Variants in E2F4 observed in about 807,000 individuals in gnomAD.
The protein encoded by E2F4 is transcription factor E2F4.
E2F4 carries 16 observed loss-of-function variants against 44.5 expected under a neutral mutation model. The observed-to-expected ratio is 0.36, with a 90% CI of 0.24 to 0.55. E2F4 has a LOEUF of 0.55. E2F4 is among the 20% of genes least tolerant of loss of function. The pLI is 0.87. For synonymous variants in E2F4, 242 were observed against 207.2 expected, an observed-to-expected ratio of 1.17 and a Z score of -1.44; for missense variants, 473 against 522.1, an observed-to-expected ratio of 0.91 and a Z score of 0.92.
chr16:67,195,753 ATGAC>A, intron 6 of E2F4, 25 bp from the exon 7 acceptor site: 2 of 1,613,472 alleles, frequency 1.2e-6, no homozygotes, highest in Non-Finnish European at 1.7e-6. Context: ...CTGACCTTGT[ATGAC>A]TGGGTTTGGG....
chr16:67,193,956 C>T, intron 4 of E2F4: 1 of 239,832 alleles, frequency 4.2e-6, no homozygotes, highest in African/African-American at 2.3e-5. Flanking sequence ...TGCTGTGTTG[C>T]CCAGGCTGGT....
rs2032938888 is a variant in E2F4, at chr16:67,194,666, C to G, written c.514-20C>G. On this transcript the variant is annotated intron_variant, in intron 5 of 9. Coordinates refer to ENST00000379378, the MANE Select transcript of E2F4 (RefSeq NM_001950.4). ...GCTTACAATTCTACCCATCTCCCAT[C>G]CCTTACCACCCATCTCTAGGGTCTC... 2 of 1,604,412 alleles carry G rather than the reference C, an allele frequency of 1.2e-6. No individual in the cohort carries two copies. The highest frequency in any genetic ancestry group is 2.7e-5 in the African/African-American group (2 of 74,754).
At position 67,194,472 on chromosome 16, in the gene E2F4, C is replaced by A. The variant is rs2032935499; in HGVS notation, c.513+13C>A. 6.2e-7 allele frequency: 1 copy of A among 1,613,420 alleles called. No individual in the cohort carries two copies. Among genetic ancestry groups the A allele is most frequent in the Non-Finnish European group, 8.5e-7 (1 of 1,179,998 alleles). On this transcript the variant is annotated intron_variant, in intron 5 of 9. Coordinates refer to ENST00000379378, the MANE Select transcript of E2F4 (RefSeq NM_001950.4). ...GCCCATCCCAGAGGTGGGTGCTTAG[C>A]CCAGGCAGGCGGGGTCAGCTGAGGG...
rs772337091 is a variant in E2F4, at chr16:67,194,456, A to G, written c.510A>G (p.Pro170=). The G allele has an allele frequency of 4.3e-6, 7 of 1,613,878 alleles. No individual in the cohort carries two copies. Among genetic ancestry groups the G allele is most frequent in the Non-Finnish European group, 5.9e-6 (7 of 1,179,988 alleles). ...GCACCAGCCTGGAGGTGCCCATCCCAGAGGTGGGTGCTTAGCCCAGGCAGG... is the reference window on the plus strand; with the variant it reads ...GCACCAGCCTGGAGGTGCCCATCCCGGAGGTGGGTGCTTAGCCCAGGCAGG... ...PSGTSLEVPI[P]EGLNGQKKYQ... The change falls in exon 5 of 10, where the codon CCA becomes CCG. Residue 170 remains proline, a synonymous_variant. Transcript: ENST00000379378.
rs777872195 is a variant in E2F4 at position 67,195,789 on chromosome 16, C to T, written c.816C>T (p.Gly272=). Residue 272 remains glycine (G), a synonymous_variant, in exon 7 of 10, where the codon GGC becomes GGT. Transcript: ENST00000379378. ...TGGGGGCTATCATTGTAGTGAGTGG[C>T]GGCCCTGGGACTGATAGCAAGGACA... ...AGPAAEITVS[G]GPGTDSKDSG... The T allele has an allele frequency of 3.1e-6, 5 of 1,613,914 alleles. No homozygotes were observed. Among genetic ancestry groups the T allele is most frequent in the African/African-American group, 2.7e-5 (2 of 74,896 alleles).
rs778326506 is a variant in E2F4 at position 67,192,716 on chromosome 16, G to A, written c.136-45G>A. On this transcript the variant is annotated intron_variant, in intron 1 of 9. Transcript: ENST00000379378. ...AGACCACGTCTCAGGGTGGCTGGGG[G>A]TACACCCCAGAGTGGGGCTGAGCAT... is the stretch of plus-strand genomic sequence containing the variant. The A allele has an allele frequency of 5.8e-6, 9 of 1,545,826 alleles. 1 individual carries two copies. In the South Asian group the frequency reaches 8.1e-5, roughly 14 times the overall value.
intron 3 of E2F4, 138 bp downstream of exon 3, chr16:67,193,308 C>T (rs1034370563): frequency 6.7e-7 from 1 of 1,488,886 alleles, no homozygotes. Flanking sequence ...CCTCAGAGCC[C>T]CTCCCCTTCC....
In E2F4 at chr16:67,192,317, G is replaced by GTAGA; in HGVS notation, c.91_92insAGAT (p.Ser31Ter). The GTAGA allele has an allele frequency of 7.0e-7, 1 of 1,433,096 alleles. No homozygotes were observed. Among genetic ancestry groups the GTAGA allele is most frequent in the South Asian group, 1.7e-5 (1 of 59,564 alleles). The allele number at this position is 1,433,096 out of a possible 1,614,324, so 88.8% of individuals were successfully genotyped here. On this transcript the variant is annotated stop_gained and frameshift_variant, in exon 1 of 10. Transcript: ENST00000379378. LOFTEE classifies it high-confidence loss of function. Reference sequence around the variant, plus strand: ...TGGGACTGCTCACCACCAAGTTCGTGTCCCTTCTGCAGGAGGCCAAGGACG... The same window carrying GTAGA: ...TGGGACTGCTCACCACCAAGTTCGTGTAGATCCCTTCTGCAGGAGGCCAAGGACG...
intron 6 of E2F4, among the ~76,000 whole-genome samples, chr16:67,195,390 C>T (rs2032951118): frequency 6.6e-6 from 1 of 152,216 alleles, no homozygotes; most frequent in Middle Eastern, 3.2e-3. Context: ...CCTCGGCCTC[C>T]TGTAGTGCTG....
chr16:67,194,598 G>C (rs1215624582), intron 5 of E2F4, 88 bp from the exon 6 acceptor site: 57 of 1,572,712 alleles, frequency 3.6e-5, no homozygotes, highest in Non-Finnish European at 5.0e-5. Flanking sequence ...GGGTGGGAGA[G>C]GACACTGTGG....
rs1263071089 is a variant in E2F4, at chr16:67,197,901, G to A, written c.1116G>A (p.Met372Ile). 1.2e-6 allele frequency: 2 copies of A among 1,614,130 alleles called. No homozygotes were observed. The highest frequency in any genetic ancestry group is 2.2e-5 in the South Asian group (2 of 91,086). ...GCTCGGAGCTGCTGGAGGAGTTGAT[G>A]TCCTCAGAAGGTGGGTGGCCCTGGA... ...CMSSELLEEL[M>I]SSEVFAPLLR... The change falls in exon 9 of 10, where the codon ATG (methionine) becomes ATA (isoleucine). Residue 372 changes from methionine (M) to isoleucine (I), a missense_variant. Physicochemically the swap from Met to Ile is conservative, Grantham distance 10 (BLOSUM62 1). Transcript: ENST00000379378.
chr16:67,195,538 GC>G, intron 6 of E2F4: 1 of 750,226 alleles, frequency 1.3e-6, no homozygotes, highest in South Asian at 1.9e-5. Context: ...TGCCCTGGTA[GC>G]CCGTCTTGAA....
At position 67,197,908 on chromosome 16, in the gene E2F4, G is replaced by C; in HGVS notation, c.1123G>C (p.Glu375Gln). ...GCTGCTGGAGGAGTTGATGTCCTCA[G>C]AAGGTGGGTGGCCCTGGAAGGTGGG... is the stretch of plus-strand genomic sequence containing the variant. ...SELLEELMSS[E>Q]VFAPLLRLSP... The change falls in exon 9 of 10, where the codon GAA (glutamate) becomes CAA (glutamine). Residue 375 changes from glutamate to glutamine, a missense_variant. Around this residue, in one of 3 missense-constraint regions of E2F4, gnomAD observed 314 missense variants for 315.6 expected, o/e 0.99. Coordinates refer to ENST00000379378, the MANE Select transcript of E2F4 (RefSeq NM_001950.4). 7 of 1,614,158 alleles carry C rather than the reference G, an allele frequency of 4.3e-6. No individual in the cohort carries two copies. Among genetic ancestry groups the C allele is most frequent in the Non-Finnish European group, 5.9e-6 (7 of 1,180,016 alleles).
rs141245085 is a variant in E2F4 at position 67,192,523 on chromosome 16, A to T, written c.135+161A>T. On this transcript the variant is annotated intron_variant, in intron 1 of 9. Transcript: ENST00000379378. ...GGGGGATGTTTCATTCATTCGGCCG[A>T]GGCCATCGAGCTACAGCTATGGGCC... 2,769 of 1,149,666 alleles carry T rather than the reference A, an allele frequency of 2.4e-3. 7 individuals are homozygous for T. Among genetic ancestry groups the T allele is most frequent in the Middle Eastern group, 0.012 (39 of 3,306 alleles). 71.2% of individuals were successfully genotyped at this position (1,149,666 alleles called of 1,614,324 possible). A position where few individuals can be genotyped will look rare whatever the true frequency, so the allele number is the denominator to read the frequency against.
chr16:67,193,878 T>G (rs1206393191), intron 4 of E2F4: 1 of 318,718 alleles, frequency 3.1e-6, no homozygotes, highest in Non-Finnish European at 5.8e-6. Flanking sequence ...CACTTCCAAC[T>G]TGTTAGTTTA....
chr16:67,192,279 C>T lies in E2F4; in HGVS notation c.52C>T (p.His18Tyr). ...APPPPGTPSR[H>Y]EKSLGLLTTK... ...GCCGCCCCCGGGCACTCCAAGCCGG[C>T]ACGAAAAGAGCCTGGGACTGCTCAC... is the stretch of plus-strand genomic sequence containing the variant. Residue 18 changes from histidine (H) to tyrosine (Y), a missense_variant, in exon 1 of 10, where the codon CAC (histidine) becomes TAC (tyrosine). His to Tyr is a moderately conservative substitution (Grantham distance 83). Coordinates refer to ENST00000379378, the MANE Select transcript of E2F4 (RefSeq NM_001950.4). 1 of 1,335,016 alleles carries T rather than the reference C, an allele frequency of 7.5e-7. No homozygotes were observed. Among genetic ancestry groups the T allele is most frequent in the Non-Finnish European group, 9.6e-7 (1 of 1,038,678 alleles). 82.7% of individuals were successfully genotyped at this position (1,335,016 alleles called of 1,614,324 possible).
At chr16:67,196,193 C>T (rs1183443807) in intron 7 of E2F4, among the ~76,000 whole-genome samples, 187 bp downstream of exon 7, 2 of 152,206 alleles carry the variant, frequency 1.3e-5, no homozygotes, top group Non-Finnish European at 2.9e-5. Flanking sequence ...TAACACAGAA[C>T]TCCCTGCCGT....
At chr16:67,194,556 A>G in intron 5 of E2F4, 97 bp downstream of exon 5, 1 of 1,578,652 alleles carries the variant, frequency 6.3e-7, no homozygotes, top group South Asian at 1.1e-5. Context: ...GGAGGCCTGG[A>G]GTTTGGGGTT....
chr16:67,194,513 G>A, intron 5 of E2F4, 54 bp downstream of exon 5: 2 of 1,609,092 alleles, frequency 1.2e-6, no homozygotes, highest in Non-Finnish European at 1.7e-6. Context: ...GCTGGCTGTG[G>A]AGCCTGATAA....
Sources: allele counts gnomAD v4.1 joint callset (sites outside exome capture counted in the v4.1 genomes callset), GRCh38; gene constraint gnomAD v4.1.1; regional missense constraint gnomAD v4.1.1; transcripts MANE v1.5; gene names NCBI Gene and HGNC (gene_info 2026-07-23, HGNC 2026-07-21).